DPH6: variants seen among roughly 807,000 people sequenced by gnomAD.
DPH6 encodes the protein diphthamine biosynthesis 6, also known as diphthine--ammonia ligase.
A neutral mutation model predicts 38.2 loss-of-function variants in DPH6; 33 were observed. The ratio of observed to expected loss-of-function variants is 0.86; its 90% CI spans 0.65 to 1.15. DPH6 has a LOEUF of 1.15. DPH6 is among the 50% of genes most tolerant of loss of function. DPH6 has a pLI of 0.00. For missense variants in DPH6, 325 were observed against 320.0 expected (o/e 1.02, Z -0.12); for synonymous variants, 108 against 103.0 (o/e 1.05, Z -0.30).
intron 6 of DPH6, among the ~76,000 whole-genome samples, chr15:35,393,251 T>C (rs1340203387): frequency 6.6e-6 from 1 of 151,724 alleles, no homozygotes; most frequent in Non-Finnish European, 1.5e-5. Flanking sequence ...GAGGAGAGAG[T>C]AGATATTTTG....
chr15:35,266,386 AATTGGCTTTT>A (rs1384670990), intron 3 of DPH6, among the ~76,000 whole-genome samples: 4 of 152,200 alleles, frequency 2.6e-5, no homozygotes, highest in Non-Finnish European at 5.9e-5. Flanking sequence ...CAATTAGCTT[AATTGGCTTTT>A]ATTGGCTTTG....
At chr15:35,180,436 CACACACACTT>C in the DPH6 span, among the ~76,000 whole-genome samples, 1 of 145,616 alleles carries the variant, frequency 6.9e-6, no homozygotes, top group South Asian at 2.2e-4. Flanking sequence ...CACACACACA[CACACACACTT>C]GCCCAGTGGG....
At chr15:35,393,903 T>C (rs2053093210) in intron 6 of DPH6, among the ~76,000 whole-genome samples, 1 of 152,208 alleles carries the variant, frequency 6.6e-6, no homozygotes, top group Non-Finnish European at 1.5e-5. Flanking sequence ...GGTAGTTCTG[T>C]TTACTGATAT....
At chr15:35,279,064 A>ATATATATATATATATATAT (rs1334725926) in intron 3 of DPH6, among the ~76,000 whole-genome samples, 1 of 124,036 alleles carries the variant, frequency 8.1e-6, no homozygotes, top group African/African-American at 3.6e-5. Flanking sequence ...AAAAAAAAAA[A>ATATATATATATATATATAT]AAAAATATAT....
At chr15:35,526,377 A>AT (rs1186107864) in intron 3 of DPH6, among the ~76,000 whole-genome samples, 1 of 152,186 alleles carries the variant, frequency 6.6e-6, no homozygotes, top group African/African-American at 2.4e-5. Context: ...CTTTTGAAAG[A>AT]TATCTATGGG....
At chr15:35,403,686 T>C (rs2053252003) in intron 6 of DPH6, among the ~76,000 whole-genome samples, 2 of 152,086 alleles carry the variant, frequency 1.3e-5, no homozygotes, top group African/African-American at 2.4e-5. Flanking sequence ...TTTTTCATAT[T>C]TTTTGTAGTC....
chr15:35,471,838 A>G (rs929194026), intron 3 of DPH6, among the ~76,000 whole-genome samples: 6 of 152,202 alleles, frequency 3.9e-5, no homozygotes, highest in Non-Finnish European at 5.9e-5. Flanking sequence ...TTTTCTATAC[A>G]TGTTCTTAGT....
intron 5 of DPH6, among the ~76,000 whole-genome samples, chr15:35,413,627 A>T (rs2053398439): frequency 6.6e-6 from 1 of 151,464 alleles, no homozygotes; most frequent in Admixed American, 6.6e-5. Flanking sequence ...TCTTTCTTAT[A>T]TATATTTTCC....
chr15:35,178,135 T>C, the DPH6 span, among the ~76,000 whole-genome samples: 3 of 152,220 alleles, frequency 2.0e-5, no homozygotes, highest in Non-Finnish European at 2.9e-5. Flanking sequence ...ATAACATCTA[T>C]GTGAACAAAA....
Position 35,371,944 on chromosome 15 carries a change from A to C in DPH6, c.*206T>G. 23 of 1,256,500 alleles carry C rather than the reference A, an allele frequency of 1.8e-5. No individual in the cohort carries two copies. Among genetic ancestry groups the C allele is most frequent in the Non-Finnish European group, 2.3e-5 (23 of 994,212 alleles). 77.8% of individuals were successfully genotyped at this position (1,256,500 alleles called of 1,614,324 possible). ...TAACGAAAGAGAAAGAGTGAATTCCAAGAAAGTTGGCACTATTAATGAACA... is the reference window on the plus strand; with the variant it reads ...TAACGAAAGAGAAAGAGTGAATTCCCAGAAAGTTGGCACTATTAATGAACA... On this transcript the variant is annotated 3_prime_UTR_variant, in exon 9 of 9. Transcript: ENST00000256538.
chr15:35,545,960 G>A (rs1020807936), intron 1 of DPH6, among the ~76,000 whole-genome samples, 159 bp downstream of exon 1: 2 of 152,266 alleles, frequency 1.3e-5, no homozygotes, highest in East Asian at 3.9e-4. Flanking sequence ...ATGCGGGCCG[G>A]CAACAGCGAA....
chr15:35,202,427 A>C, the DPH6 span, among the ~76,000 whole-genome samples: 4 of 151,886 alleles, frequency 2.6e-5, no homozygotes, highest in South Asian at 8.3e-4. Context: ...TCCTGAAGTA[A>C]CTGCTCTATT....
chr15:35,284,429 T>G (rs1380043763), intron 3 of DPH6, among the ~76,000 whole-genome samples: 2 of 152,198 alleles, frequency 1.3e-5, no homozygotes, highest in East Asian at 3.9e-4. Flanking sequence ...CGTGTCTACA[T>G]TACGGACTAA....
intron 6 of DPH6, among the ~76,000 whole-genome samples, chr15:35,389,074 AT>A: frequency 6.6e-6 from 1 of 152,036 alleles, no homozygotes. Flanking sequence ...AGAAATCTTT[AT>A]TTCTGCCTTC....
chr15:35,498,176 T>C (rs184530210), intron 3 of DPH6, among the ~76,000 whole-genome samples: 1 of 152,284 alleles, frequency 6.6e-6, no homozygotes, highest in East Asian at 1.9e-4. Flanking sequence ...ACCTTAATAC[T>C]ATCTCAAATG....
chr15:35,312,010 G>GAAAAAAAAAAA (rs10573455), intron 3 of DPH6, among the ~76,000 whole-genome samples: 26 of 102,130 alleles, frequency 2.5e-4, no homozygotes, highest in South Asian at 6.9e-4. Context: ...TTAAGAAAAT[G>GAAAAAAAAAAA]AAAAAAAAAA....
chr15:35,307,780 CAA>C (rs947659223), intron 3 of DPH6, among the ~76,000 whole-genome samples: 1 of 151,886 alleles, frequency 6.6e-6, no homozygotes, highest in African/African-American at 2.4e-5. Flanking sequence ...TGCATATATA[CAA>C]ACACACACAC....
intron 3 of DPH6, among the ~76,000 whole-genome samples, chr15:35,487,195 G>A (rs960103562): frequency 1.6e-4 from 25 of 152,290 alleles, no homozygotes; most frequent in Admixed American, 2.0e-4. Flanking sequence ...GCTCCCAGGG[G>A]ATCTACCATT....
intron 3 of DPH6, among the ~76,000 whole-genome samples, chr15:35,321,038 C>T (rs1289140262): frequency 6.6e-6 from 1 of 152,190 alleles, no homozygotes; most frequent in Non-Finnish European, 1.5e-5. Flanking sequence ...ACAGGAGCAA[C>T]TGGGGAAGTC....
Sources: gnomAD v4.1 joint callset for allele counts (sites outside exome capture counted in the v4.1 genomes callset) on GRCh38, gnomAD v4.1.1 for gene constraint, MANE v1.5 for transcripts, NCBI Gene and HGNC (gene_info 2026-07-23, HGNC 2026-07-21) for gene names.